The following WDR36 variants were observed in gnomAD, a reference collection of about 807,000 sequenced individuals.
WDR36 encodes the protein WD repeat domain 36, also known as WD repeat-containing protein 36.
Under a neutral mutation model 112.7 loss-of-function variants are expected in WDR36, and 63 were observed. That is an observed-to-expected ratio of 0.56 (90% CI 0.46 to 0.69). The LOEUF is 0.69. WDR36 is among the 30% of genes least tolerant of loss of function. The pLI is 0.00. For synonymous variants in WDR36, 410 were observed against 362.2 expected (o/e 1.13, Z -1.50); for missense variants, 1,226 against 1,070.3 (o/e 1.15, Z -2.03).
chr5:111,114,103 A>G (rs1159692792), intron 16 of WDR36, among the ~76,000 whole-genome samples: 2 of 152,214 alleles, frequency 1.3e-5, no homozygotes, highest in African/African-American at 4.8e-5. Context: ...TTTGCTGCTA[A>G]TCCAGGGCTT....
rs926430457 is a variant in WDR36, at chr5:111,127,741, T to C, written c.*858T>C. ...AAGGATAGGTAAGGGAAATTCCAAA[T>C]TCCATTGGAAGATGGCCTTTTACTG... On this transcript the variant is annotated 3_prime_UTR_variant, in exon 23 of 23. Transcript: ENST00000513710. The C allele has an allele frequency of 1.4e-5, 3 of 209,796 alleles. No homozygotes were observed. Among genetic ancestry groups the C allele is most frequent in the African/African-American group, 6.8e-5 (3 of 44,076 alleles). 13.0% of individuals were successfully genotyped at this position (209,796 alleles called of 1,614,324 possible). A position where few individuals can be genotyped will look rare whatever the true frequency, so the allele number is the denominator to read the frequency against.
In WDR36 at chr5:111,128,035, G is replaced by T. The variant is rs1369813989; in HGVS notation, c.*1152G>T. The T allele has an allele frequency of 5.0e-6, 1 of 200,212 alleles. No individual in the cohort carries two copies. The highest frequency in any genetic ancestry group is 6.1e-5 in the Admixed American group (1 of 16,476). The allele number at this position is 200,212 out of a possible 1,614,324, so 12.4% of individuals were successfully genotyped here. On this transcript the variant is annotated 3_prime_UTR_variant, in exon 23 of 23. Coordinates refer to ENST00000513710, the MANE Select transcript of WDR36 (RefSeq NM_139281.3). ...ACCATTGCAAACCCAGGTAGCCCTGGAGTTTTCTTTTTTTCTCATCATCAT... is the reference window on the plus strand; with the variant it reads ...ACCATTGCAAACCCAGGTAGCCCTGTAGTTTTCTTTTTTTCTCATCATCAT...
In WDR36 at chr5:111,116,892, T is replaced by G. The variant is rs150671538; in HGVS notation, c.1797-2121T>G. Among the ~76,000 whole-genome samples the G allele has an allele frequency of 6.5e-3, 983 of 152,334 alleles. 6 individuals are homozygous for G. The highest frequency in any genetic ancestry group is 9.4e-3 in the Non-Finnish European group (641 of 68,026). On this transcript the variant is annotated intron_variant, in intron 16 of 22. Coordinates refer to ENST00000513710, the MANE Select transcript of WDR36 (RefSeq NM_139281.3). ...CTTTTTAACAGATAGTACCTAAACA[T>G]GTTAGGAAGTTTTACCCTTCACGTA...
At chr5:111,101,079 G>T (rs186041886) in intron 5 of WDR36, among the ~76,000 whole-genome samples, 9 of 152,000 alleles carry the variant, frequency 5.9e-5, no homozygotes, top group Admixed American at 2.6e-4. Flanking sequence ...TTTTATGTAA[G>T]GGACTTGAGC....
At chr5:111,103,346 C>G (rs1753159504) in intron 6 of WDR36, among the ~76,000 whole-genome samples, 1 of 151,718 alleles carries the variant, frequency 6.6e-6, no homozygotes, top group Admixed American at 6.6e-5. Flanking sequence ...GTTTTTCCTA[C>G]TTTCTTGGAT....
intron 16 of WDR36, 95 bp from the exon 17 acceptor site, chr5:111,118,918 C>A: frequency 1.0e-6 from 1 of 959,536 alleles, no homozygotes; most frequent in East Asian, 2.4e-5. Context: ...TTTTCTGCAT[C>A]TCTTATCCCT....
At chr5:111,103,139 A>G (rs1311313066) in intron 6 of WDR36, among the ~76,000 whole-genome samples, 1 of 151,702 alleles carries the variant, frequency 6.6e-6, no homozygotes, top group East Asian at 1.9e-4. Context: ...CATAGTAGAC[A>G]CTTGATGACA....
intron 12 of WDR36, among the ~76,000 whole-genome samples, chr5:111,109,368 ATG>A (rs1367323926): frequency 6.6e-6 from 1 of 151,562 alleles, no homozygotes; most frequent in East Asian, 1.9e-4. Context: ...AAATGTATGT[ATG>A]TAAAACATAT....
Position 111,113,151 on chromosome 5 carries a change from G to C in WDR36, c.1794G>C (p.Gly598=). The C allele has an allele frequency of 1.3e-6, 2 of 1,580,246 alleles. No individual in the cohort carries two copies. Among genetic ancestry groups the C allele is most frequent in the Non-Finnish European group, 1.7e-6 (2 of 1,156,400 alleles). The stretch of plus-strand genomic sequence containing the variant: ...TTAGGACTTGGGACCTTCCTTCTGG[G>C]TGGTAAGTTTATATTTCTAATTCCC... ...CSIRTWDLPS[G]CLIDCFLLDS... The change falls in exon 16 of 23, where the codon GGG becomes GGC. Residue 598 remains glycine (G), a splice_region_variant and synonymous_variant. Coordinates refer to ENST00000513710, the MANE Select transcript of WDR36 (RefSeq NM_139281.3).
intron 9 of WDR36, 132 bp from the exon 10 acceptor site, chr5:111,105,163 A>G (rs1264144809): frequency 3.3e-6 from 3 of 900,230 alleles, no homozygotes; most frequent in South Asian, 1.5e-5. Context: ...AGTAGTTGCA[A>G]TCTGGTTTTC....
At chr5:111,116,803 T>G (rs960183329) in intron 16 of WDR36, among the ~76,000 whole-genome samples, 1 of 152,172 alleles carries the variant, frequency 6.6e-6, no homozygotes, top group African/African-American at 2.4e-5. Flanking sequence ...GGAAATGAAG[T>G]TACACAATGA....
intron 22 of WDR36, among the ~76,000 whole-genome samples, chr5:111,126,401 C>T (rs1404652459): frequency 1.3e-5 from 2 of 151,720 alleles, no homozygotes; most frequent in African/African-American, 2.4e-5. Flanking sequence ...TAGATGATGC[C>T]GATTTTTGGT....
At chr5:111,125,370 G>C (rs1753658283) in intron 21 of WDR36, among the ~76,000 whole-genome samples, 1 of 152,014 alleles carries the variant, frequency 6.6e-6, no homozygotes, top group Non-Finnish European at 1.5e-5. Context: ...CAGGAAAAAG[G>C]TTTAAATTAC....
At chr5:111,092,763 C>G (rs370758347) in intron 1 of WDR36, 145 bp downstream of exon 1, 20 of 1,131,356 alleles carry the variant, frequency 1.8e-5, no homozygotes, top group African/African-American at 1.5e-4. Flanking sequence ...TTTCGCCATC[C>G]GGTCACGTCC....
Position 111,100,710 on chromosome 5 carries a change from T to C in WDR36, c.531T>C (p.Asn177=). The C allele has an allele frequency of 1.2e-6, 2 of 1,608,806 alleles. No individual in the cohort carries two copies. Among genetic ancestry groups the C allele is most frequent in the Non-Finnish European group, 1.7e-6 (2 of 1,176,548 alleles). ...GSEQGSLQLW[N]VKSNKLLYTF... Reference sequence around the variant, plus strand: ...AACAAGGAAGCCTGCAGTTGTGGAATGTAAAATCCAAGTAAGTATTTTAGT... The same window carrying C: ...AACAAGGAAGCCTGCAGTTGTGGAACGTAAAATCCAAGTAAGTATTTTAGT... Residue 177 remains asparagine (N), a synonymous_variant, in exon 5 of 23, where the codon AAT becomes AAC. Coordinates refer to ENST00000513710, the MANE Select transcript of WDR36 (RefSeq NM_139281.3).
intron 3 of WDR36, among the ~76,000 whole-genome samples, 159 bp from the exon 4 acceptor site, chr5:111,098,563 T>A (rs7705304): frequency 1.3e-5 from 2 of 152,062 alleles, no homozygotes; most frequent in African/African-American, 4.8e-5. Context: ...GCCTGGTCCC[T>A]TAATATTTAT....
chr5:111,118,833 T>C (rs1014100738), intron 16 of WDR36, among the ~76,000 whole-genome samples, 180 bp from the exon 17 acceptor site: 2 of 152,192 alleles, frequency 1.3e-5, no homozygotes, highest in Non-Finnish European at 2.9e-5. Flanking sequence ...TATTTTCACA[T>C]AGTAACTTAG....
chr5:111,102,832 A>G (rs931052990), intron 6 of WDR36, among the ~76,000 whole-genome samples: 1 of 151,624 alleles, frequency 6.6e-6, no homozygotes, highest in African/African-American at 2.4e-5. Flanking sequence ...ACTATTTAAG[A>G]AATAACTGCT....
At position 111,121,139 on chromosome 5, in the gene WDR36, A is replaced by G; in HGVS notation, c.2146A>G (p.Lys716Glu). ...WKNLLNLDVI[K>E]KKNKPKEPPK... is the part of the protein sequence containing the mutation. ...AAACCTTCTTAACCTTGATGTTATT[A>G]AGGTAATAATTAACATTCTTTATAG... is the stretch of plus-strand genomic sequence containing the variant. The change falls in exon 19 of 23, where the codon AAG (lysine) becomes GAG (glutamate). Residue 716 changes from lysine (K) to glutamate (E), a missense_variant and splice_region_variant. Physicochemically the swap from Lys to Glu is moderately conservative, Grantham distance 56. Coordinates refer to ENST00000513710, the MANE Select transcript of WDR36 (RefSeq NM_139281.3). 1 of 1,613,422 alleles carries G rather than the reference A, an allele frequency of 6.2e-7. No individual in the cohort carries two copies. Among genetic ancestry groups the G allele is most frequent in the Non-Finnish European group, 8.5e-7 (1 of 1,179,542 alleles).
Sources: gnomAD v4.1 joint callset for allele counts (sites outside exome capture counted in the v4.1 genomes callset) on GRCh38, gnomAD v4.1.1 for gene constraint, MANE v1.5 for transcripts, NCBI Gene and HGNC (gene_info 2026-07-23, HGNC 2026-07-21) for gene names.